KCNH7: variants seen among roughly 807,000 people sequenced by gnomAD.
KCNH7 encodes the protein potassium voltage-gated channel subfamily H member 7.
A neutral mutation model predicts 120.8 loss-of-function variants in KCNH7; 49 were observed. The observed-to-expected ratio is 0.41, with a 90% CI of 0.32 to 0.51. KCNH7 has a LOEUF of 0.51. Ranked by LOEUF, KCNH7 falls within the 20% of genes least tolerant of loss-of-function variation. KCNH7 has a pLI of 0.38. For synonymous variants in KCNH7, 547 were observed against 516.1 expected (o/e 1.06, Z -0.81); for missense variants, 1,097 against 1,446.6 (o/e 0.76, Z 3.92).
chr2:162,777,483 C>T (rs563953726), intron 2 of KCNH7, among the ~76,000 whole-genome samples: 4 of 152,196 alleles, frequency 2.6e-5, no homozygotes, highest in East Asian at 1.9e-4. Context: ...CCCACTGATA[C>T]AGAGTGCTGA....
intron 13 of KCNH7, among the ~76,000 whole-genome samples, chr2:162,381,166 T>G (rs1461430991): frequency 2.0e-5 from 3 of 152,098 alleles, no homozygotes; most frequent in Admixed American, 6.6e-5. Flanking sequence ...GGTGTTCATT[T>G]TCACAGAGAA....
chr2:162,471,965 C>T (rs904683295), intron 6 of KCNH7, among the ~76,000 whole-genome samples: 12 of 152,240 alleles, frequency 7.9e-5, no homozygotes, highest in African/African-American at 2.2e-4. Context: ...TTTGACAAAC[C>T]TGACAAAAAC....
chr2:162,608,880 C>A (rs1682868657), intron 2 of KCNH7, among the ~76,000 whole-genome samples: 1 of 152,158 alleles, frequency 6.6e-6, no homozygotes, highest in Admixed American at 6.5e-5. Flanking sequence ...TGCTTTCCAG[C>A]CAGACTGAAG....
intron 2 of KCNH7, among the ~76,000 whole-genome samples, chr2:162,737,026 C>T (rs905003536): frequency 2.0e-5 from 3 of 152,070 alleles, no homozygotes; most frequent in Non-Finnish European, 2.9e-5. Context: ...TAACACACTC[C>T]AAACTCTAAC....
At chr2:162,787,765 C>T (rs1255890092) in intron 2 of KCNH7, among the ~76,000 whole-genome samples, 3 of 151,986 alleles carry the variant, frequency 2.0e-5, no homozygotes, top group Non-Finnish European at 4.4e-5. Context: ...TCAGTAGACC[C>T]TGGTGTCAGG....
intron 6 of KCNH7, among the ~76,000 whole-genome samples, chr2:162,481,830 A>G (rs901460716): frequency 2.0e-5 from 3 of 152,190 alleles, no homozygotes; most frequent in Non-Finnish European, 2.9e-5. Context: ...TTACCAATTG[A>G]TGAGTTAGCA....
chr2:162,637,562 C>T (rs1684005796), intron 2 of KCNH7, among the ~76,000 whole-genome samples: 1 of 152,060 alleles, frequency 6.6e-6, no homozygotes, highest in Admixed American at 6.6e-5. Context: ...AAACAACATA[C>T]TGTATACTTA....
chr2:162,380,113 C>G (rs569489817), intron 13 of KCNH7, 92 bp from the exon 14 acceptor site: 7 of 1,451,426 alleles, frequency 4.8e-6, no homozygotes, highest in Non-Finnish European at 6.6e-6. Context: ...TGGAAAGGAT[C>G]GGAGTATAAC....
chr2:162,412,398 TTAAC>T (rs1286407522), intron 9 of KCNH7, among the ~76,000 whole-genome samples: 3 of 152,128 alleles, frequency 2.0e-5, no homozygotes, highest in African/African-American at 7.2e-5. Flanking sequence ...CAATTCTTAT[TTAAC>T]TATTATAAAA....
chr2:162,574,128 A>C (rs1410911051), intron 2 of KCNH7, among the ~76,000 whole-genome samples: 1 of 152,138 alleles, frequency 6.6e-6, no homozygotes, highest in East Asian at 1.9e-4. Context: ...AAATTTATAC[A>C]ACATAGGTGT....
chr2:162,561,828 T>G (rs1431903225), intron 2 of KCNH7, among the ~76,000 whole-genome samples: 3 of 152,190 alleles, frequency 2.0e-5, no homozygotes, highest in African/African-American at 7.2e-5. Context: ...CCATCAGTGA[T>G]AGACCGAATA....
At chr2:162,780,473 T>C (rs1358311387) in intron 2 of KCNH7, among the ~76,000 whole-genome samples, 6 of 152,170 alleles carry the variant, frequency 3.9e-5, no homozygotes, top group Non-Finnish European at 2.9e-5. Flanking sequence ...CTAGGGTAGT[T>C]GTACAATCAA....
chr2:162,408,249 A>G (rs1159545301), intron 9 of KCNH7, among the ~76,000 whole-genome samples: 1 of 152,110 alleles, frequency 6.6e-6, no homozygotes, highest in Non-Finnish European at 1.5e-5. Context: ...AATCTAGCAC[A>G]GATGATCTTT....
intron 3 of KCNH7, among the ~76,000 whole-genome samples, chr2:162,536,705 T>G (rs1351045627): frequency 6.6e-6 from 1 of 152,014 alleles, no homozygotes; most frequent in Non-Finnish European, 1.5e-5. Context: ...GGGGACTGGT[T>G]AAATACATTA....
At chr2:162,671,768 A>T (rs1481135586) in intron 2 of KCNH7, among the ~76,000 whole-genome samples, 2 of 152,200 alleles carry the variant, frequency 1.3e-5, no homozygotes, top group African/African-American at 4.8e-5. Flanking sequence ...TGCTCTAATA[A>T]AAAAAGAAGG....
chr2:162,402,817 G>T (rs1412585121), intron 9 of KCNH7, among the ~76,000 whole-genome samples: 1 of 151,808 alleles, frequency 6.6e-6, no homozygotes, highest in Admixed American at 6.6e-5. Context: ...GTCTGTGTGT[G>T]TGCATGCACA....
intron 2 of KCNH7, among the ~76,000 whole-genome samples, chr2:162,708,909 C>T (rs1686817076): frequency 1.3e-5 from 2 of 151,922 alleles, no homozygotes; most frequent in African/African-American, 4.8e-5. Context: ...AATACTGGTA[C>T]CAACACATAG....
At chr2:162,716,420 CTT>C (rs1687127439) in intron 2 of KCNH7, among the ~76,000 whole-genome samples, 1 of 152,144 alleles carries the variant, frequency 6.6e-6, no homozygotes, top group African/African-American at 2.4e-5. Context: ...TCTTCTGTGA[CTT>C]TTAAACAGAT....
rs573281999 is a variant in KCNH7 at position 162,569,903 on chromosome 2, T to A, written c.308-32823A>T. Among the ~76,000 whole-genome samples, 448 of 123,042 alleles carry A rather than the reference T, an allele frequency of 3.6e-3. 8 individuals are homozygous for A. The highest frequency in any genetic ancestry group is 6.4e-3 in the Non-Finnish European group (384 of 60,386). 80.7% of individuals were successfully genotyped at this position (123,042 alleles called of 152,430 possible). A position where few individuals can be genotyped will look rare whatever the true frequency, so the allele number is the denominator to read the frequency against. On this transcript the variant is annotated intron_variant, in intron 2 of 15. Transcript: ENST00000332142. Reference sequence around the variant, plus strand: ...CACTGTGGTCTGAGAGATAGTTTGTTATAATTTCTGTTCTTTTACATTTGC... The same window carrying A: ...CACTGTGGTCTGAGAGATAGTTTGTAATAATTTCTGTTCTTTTACATTTGC...
Sources: gnomAD v4.1 joint callset for allele counts (sites outside exome capture counted in the v4.1 genomes callset) on GRCh38, gnomAD v4.1.1 for gene constraint, MANE v1.5 for transcripts, NCBI Gene and HGNC (gene_info 2026-07-23, HGNC 2026-07-21) for gene names.